Variants in SYNE3 observed in about 807,000 individuals in gnomAD.
The protein encoded by SYNE3 is spectrin repeat containing nuclear envelope family member 3, also known as nesprin-3.
In SYNE3, 100 loss-of-function variants were observed where a neutral mutation model predicts 111.2. That is an observed-to-expected ratio of 0.90 (90% CI 0.77 to 1.06). The LOEUF (loss-of-function observed/expected upper bound fraction) is 1.06. SYNE3 is among the 50% of genes least tolerant of loss of function. The pLI, the probability that SYNE3 is intolerant of heterozygous loss-of-function variation, is 0.00. For missense variants in SYNE3, 1,160 were observed against 1,240.3 expected (o/e 0.94, Z 0.97); for synonymous variants, 547 against 533.9 (o/e 1.02, Z -0.34).
chr14:95,425,438 G>T (rs1885378931), intron 17 of SYNE3, among the ~76,000 whole-genome samples: 1 of 152,162 alleles, frequency 6.6e-6, no homozygotes, highest in Non-Finnish European at 1.5e-5. Context: ...GCCAGGGCCT[G>T]GGGAGAGGTG....
rs1236009343 is a variant in SYNE3 at position 95,412,654 on chromosome 14, A to C, written c.*5172T>G. 1 of 152,230 alleles carries C rather than the reference A, an allele frequency of 6.6e-6. No individual in the cohort carries two copies. Among genetic ancestry groups the C allele is most frequent in the African/African-American group, 2.4e-5 (1 of 41,454 alleles). 9.4% of individuals were successfully genotyped at this position (152,230 alleles called of 1,614,324 possible). A position where few individuals can be genotyped will look rare whatever the true frequency, so the allele number is the denominator to read the frequency against. On this transcript the variant is annotated 3_prime_UTR_variant, in exon 18 of 18. Transcript: ENST00000682763. ...CAGGCTCCTGGCCTCCCCTGAACCC[A>C]GTTGCCACAACTTTCCACGATGTCC...
Position 95,436,911 on chromosome 14 carries a change from C to A in SYNE3, c.2447G>T (p.Trp816Leu), listed in dbSNP as rs2139384417. 1 of 1,614,206 alleles carries A rather than the reference C, an allele frequency of 6.2e-7. No individual in the cohort carries two copies. Among genetic ancestry groups the A allele is most frequent in the Admixed American group, 1.7e-5 (1 of 60,030 alleles). The change falls in exon 15 of 18, where the codon TGG becomes TTG. Residue 816 changes from tryptophan to leucine, a missense_variant. Trp to Leu is a moderately conservative substitution (Grantham distance 61, BLOSUM62 -2). Transcript: ENST00000682763. ...FSQLLRNFGQ[W>L]LQVENSKLVR... ...CAGCTTGGAGTTTTCCACCTGCAAC[C>A]ACTGCCCAAAGTTCCTCAGGAGCTG...
chr14:95,430,902 A>G (rs2139369315), intron 17 of SYNE3, among the ~76,000 whole-genome samples: 2 of 152,074 alleles, frequency 1.3e-5, no homozygotes, highest in Middle Eastern at 6.9e-3. Flanking sequence ...CGAAGCCACA[A>G]AGCCAGTTGG....
chr14:95,455,911 A>T, intron 5 of SYNE3, 187 bp from the exon 6 acceptor site: 3 of 562,888 alleles, frequency 5.3e-6, no homozygotes, highest in Non-Finnish European at 9.3e-6. Flanking sequence ...CAACCTGAGA[A>T]CCCTATTCCT....
chr14:95,468,084 T>TGAATCC, intron 2 of SYNE3, 117 bp from the exon 3 acceptor site: 2 of 1,212,924 alleles, frequency 1.6e-6, no homozygotes, highest in Middle Eastern at 2.9e-4. Flanking sequence ...GATCTGGGAT[T>TGAATCC]CACATCACAG....
intron 6 of SYNE3, 152 bp downstream of exon 6, chr14:95,455,225 C>T (rs959687940): frequency 2.7e-5 from 16 of 595,686 alleles, no homozygotes; most frequent in East Asian, 5.9e-5. Flanking sequence ...GTCTACTCCC[C>T]GCTCAGGGAG....
chr14:95,491,828 T>G (rs1210984554), intron 1 of SYNE3, among the ~76,000 whole-genome samples: 1 of 145,702 alleles, frequency 6.9e-6, no homozygotes, highest in Non-Finnish European at 1.5e-5. Context: ...TCCCACAGAA[T>G]GGAACAAAAT....
chr14:95,515,624 G>T (rs1890891057), intron 1 of SYNE3, among the ~76,000 whole-genome samples: 2 of 152,166 alleles, frequency 1.3e-5, no homozygotes, highest in African/African-American at 4.8e-5. Flanking sequence ...ATGTGGGATG[G>T]GGCATGCCCC....
chr14:95,432,919 A>T (rs944360736), intron 16 of SYNE3, among the ~76,000 whole-genome samples: 2 of 152,138 alleles, frequency 1.3e-5, no homozygotes, highest in Admixed American at 1.3e-4. Flanking sequence ...GTCTGGAGAT[A>T]CAATGACTTG....
rs967648764 is a variant in SYNE3, at chr14:95,485,208, T to C, written c.-14-9373A>G. Among the ~76,000 whole-genome samples, 5 of 152,058 alleles carry C rather than the reference T, an allele frequency of 3.3e-5. No individual in the cohort carries two copies. Among genetic ancestry groups the C allele is most frequent in the Non-Finnish European group, 7.4e-5 (5 of 68,002 alleles). On this transcript the variant is annotated intron_variant, in intron 1 of 17. Transcript: ENST00000682763. The surrounding 1 kb of genome is among the most constrained non-coding windows in gnomAD (Gnocchi z 4.3). The stretch of plus-strand genomic sequence containing the variant: ...AGCTTTGAGTCAATGTAGGCCAAGA[T>C]TAGAAATCAGAAAGCAATGAAACTG...
intron 14 of SYNE3, chr14:95,437,936 G>T (rs539017841): frequency 1.3e-5 from 2 of 152,358 alleles, no homozygotes; most frequent in African/African-American, 4.8e-5. Context: ...GCTACTGCTA[G>T]TGGCTCACAG....
In SYNE3 at chr14:95,450,120, G is replaced by A; in HGVS notation, c.1275-15C>T. The A allele has an allele frequency of 1.3e-6, 2 of 1,567,368 alleles. No homozygotes were observed. The highest frequency in any genetic ancestry group is 2.4e-5 in the East Asian group (1 of 42,062). ...TCACCTTCAGGCTGCAAGGAGCGTG[G>A]AGGGAGAAAATGAGGGAGGAGAGAG... On this transcript the variant is annotated splice_polypyrimidine_tract_variant and intron_variant, in intron 7 of 17. Coordinates refer to ENST00000682763, the MANE Select transcript of SYNE3 (RefSeq NM_152592.6).
chr14:95,507,453 A>C (rs1309886605), intron 1 of SYNE3, among the ~76,000 whole-genome samples: 2 of 152,312 alleles, frequency 1.3e-5, no homozygotes, highest in Non-Finnish European at 1.5e-5. Context: ...AGCTTCCTGC[A>C]GGAGACCCAG....
intron 1 of SYNE3, among the ~76,000 whole-genome samples, chr14:95,501,603 G>A (rs1890338378): frequency 1.3e-5 from 2 of 152,166 alleles, no homozygotes; most frequent in African/African-American, 2.4e-5. Flanking sequence ...TGGTTCAGAG[G>A]GGACACAGCA....
chr14:95,468,201 T>C (rs561985348), intron 2 of SYNE3, among the ~76,000 whole-genome samples: 2 of 152,298 alleles, frequency 1.3e-5, no homozygotes, highest in East Asian at 1.9e-4. Flanking sequence ...GATGAATGGC[T>C]CTCTCCTTCC....
chr14:95,444,506 C>A lies in SYNE3; in HGVS notation c.1755G>T (p.Gln585His). Residue 585 changes from glutamine (Q) to histidine (H), a missense_variant, in exon 10 of 18, where the codon CAG (glutamine) becomes CAT (histidine). Gln to His is a conservative substitution (Grantham distance 24, BLOSUM62 0). Coordinates refer to ENST00000682763, the MANE Select transcript of SYNE3 (RefSeq NM_152592.6). ...TCACCTGCAACCTTGAGAGCTGGGC[C>A]TGTTTTCCAGGAAGGTCCCGCTGAA... ...KGLQRDLPGKQAQLSRLQGLQ... is the reference protein window; with the variant it reads ...KGLQRDLPGKHAQLSRLQGLQ... 1 of 1,612,484 alleles carries A rather than the reference C, an allele frequency of 6.2e-7. No homozygotes were observed. Among genetic ancestry groups the A allele is most frequent in the Non-Finnish European group, 8.5e-7 (1 of 1,179,188 alleles).
chr14:95,440,037 G>A lies in SYNE3; in HGVS notation c.1950C>T (p.His650=), dbSNP rs188418564. ...VDRCRQSVQE[H]CTFSHQLLEL... ...CCAGCAGCTGGTGGCTGAAGGTGCA[G>A]TGCTCCTGCACACTCTGCCGACACC... The change falls in exon 12 of 18, where the codon CAC becomes CAT. Residue 650 remains histidine (H), a synonymous_variant. Transcript: ENST00000682763. The A allele has an allele frequency of 6.2e-7, 1 of 1,609,898 alleles. No homozygotes were observed. The highest frequency in any genetic ancestry group is 1.7e-5 in the Admixed American group (1 of 60,024).
intron 14 of SYNE3, chr14:95,437,887 C>G (rs938406686): frequency 6.6e-6 from 1 of 152,022 alleles, no homozygotes; most frequent in Non-Finnish European, 1.5e-5. Context: ...CTGGGGCCAG[C>G]AGGAAGTGTT....
intron 4 of SYNE3, among the ~76,000 whole-genome samples, chr14:95,460,367 GTT>G (rs548346693): frequency 0.35 from 29,857 of 84,912 alleles, 3,841 homozygotes; most frequent in East Asian, 0.44. Context: ...ACGATGCCTA[GTT>G]TTTTTTTTTT....
Sources: gnomAD v4.1 joint callset for allele counts (sites outside exome capture counted in the v4.1 genomes callset) on GRCh38, gnomAD v4.1.1 for gene constraint, Gnocchi (gnomAD v3.1) non-coding constraint, MANE v1.5 for transcripts, NCBI Gene and HGNC (gene_info 2026-07-23, HGNC 2026-07-21) for gene names.